Variants in DDX10 observed in about 807,000 individuals in gnomAD.
DDX10 encodes probable ATP-dependent RNA helicase DDX10.
DDX10 carries 74 observed loss-of-function variants against 104.3 expected under a neutral mutation model. That is an observed-to-expected ratio of 0.71 (90% CI 0.59 to 0.86). The LOEUF is 0.86. Among genes scored for constraint, DDX10 ranks in the 40% least tolerant of loss-of-function variants. DDX10 has a pLI of 0.00. For synonymous variants in DDX10, 351 were observed against 353.4 expected (o/e 0.99, Z 0.08); for missense variants, 952 against 1,040.0 (o/e 0.92, Z 1.16).
intron 9 of DDX10, among the ~76,000 whole-genome samples, chr11:108,706,382 G>T (rs2094276258): frequency 6.6e-6 from 1 of 152,116 alleles, no homozygotes; most frequent in Non-Finnish European, 1.5e-5. Context: ...TATATATTGG[G>T]TGCTGTATTT....
intron 13 of DDX10, among the ~76,000 whole-genome samples, chr11:108,824,307 T>C (rs969282500): frequency 1.3e-5 from 2 of 152,206 alleles, no homozygotes; most frequent in African/African-American, 4.8e-5. Flanking sequence ...CCTCGCAAAG[T>C]GGCATGAGCC....
chr11:108,743,502 A>AT (rs1421341725), intron 13 of DDX10, among the ~76,000 whole-genome samples: 1 of 152,216 alleles, frequency 6.6e-6, no homozygotes, highest in Non-Finnish European at 1.5e-5. Flanking sequence ...TGTATTCAGC[A>AT]TACTAGTGGA....
chr11:108,683,598 G>T (rs1013108544), intron 6 of DDX10, among the ~76,000 whole-genome samples: 1 of 152,166 alleles, frequency 6.6e-6, no homozygotes, highest in Non-Finnish European at 1.5e-5. Context: ...AGGCCAGAGG[G>T]TTAATCTGAT....
intron 16 of DDX10, chr11:108,868,198 A>G (rs1863032303): frequency 6.6e-6 from 1 of 152,106 alleles, no homozygotes; most frequent in South Asian, 2.1e-4. Context: ...AAGGACTTTC[A>G]TAGCAGCATT....
intron 10 of DDX10, among the ~76,000 whole-genome samples, chr11:108,709,694 T>A (rs1442500181): frequency 6.6e-6 from 1 of 152,176 alleles, no homozygotes; most frequent in Non-Finnish European, 1.5e-5. Context: ...GCTTATGACT[T>A]TTTTTAGTTG....
intron 16 of DDX10, among the ~76,000 whole-genome samples, chr11:108,915,097 T>C (rs1406042452): frequency 6.6e-6 from 1 of 152,054 alleles, no homozygotes; most frequent in Admixed American, 6.6e-5. Flanking sequence ...CATAAACATA[T>C]TTGAAGGAAT....
chr11:108,926,463 C>G (rs1863910323), intron 17 of DDX10, among the ~76,000 whole-genome samples: 1 of 152,180 alleles, frequency 6.6e-6, no homozygotes. Context: ...CACCACCAGC[C>G]TTTTCTGATT....
At chr11:108,789,194 C>T (rs1448944652) in intron 13 of DDX10, among the ~76,000 whole-genome samples, 2 of 152,184 alleles carry the variant, frequency 1.3e-5, no homozygotes, top group Non-Finnish European at 2.9e-5. Context: ...CTGTTCTTGT[C>T]ACACCTTCAA....
chr11:108,774,989 T>C (rs1013151539), intron 13 of DDX10, among the ~76,000 whole-genome samples: 4 of 152,320 alleles, frequency 2.6e-5, no homozygotes, highest in African/African-American at 9.6e-5. Context: ...TAACAACTTT[T>C]CTTACCAGTC....
intron 9 of DDX10, among the ~76,000 whole-genome samples, chr11:108,699,951 G>C (rs1275556029): frequency 6.6e-6 from 1 of 152,132 alleles, no homozygotes; most frequent in Non-Finnish European, 1.5e-5. Flanking sequence ...TGCATAGATG[G>C]ACTATTTGTA....
chr11:108,892,102 A>G (rs1263743401), intron 16 of DDX10, among the ~76,000 whole-genome samples: 1 of 152,140 alleles, frequency 6.6e-6, no homozygotes, highest in Non-Finnish European at 1.5e-5. Flanking sequence ...TTCAATCCTC[A>G]TGTTGAAATT....
chr11:108,714,637 G>A (rs1453227315), intron 10 of DDX10, among the ~76,000 whole-genome samples: 1 of 151,860 alleles, frequency 6.6e-6, no homozygotes, highest in East Asian at 1.9e-4. Context: ...TTGAAAGAAT[G>A]AAATCTCTTG....
intron 17 of DDX10, among the ~76,000 whole-genome samples, chr11:108,925,409 T>C (rs1008276628): frequency 6.6e-6 from 1 of 152,220 alleles, no homozygotes; most frequent in Non-Finnish European, 1.5e-5. Flanking sequence ...CCAGGATCTC[T>C]AAGAAGGGTG....
chr11:108,910,635 A>G (rs1460630345), intron 16 of DDX10, among the ~76,000 whole-genome samples: 4 of 152,152 alleles, frequency 2.6e-5, no homozygotes, highest in Admixed American at 1.3e-4. Context: ...ACTGTATTTC[A>G]GGAACTGCCA....
chr11:108,911,045 T>C (rs1863670366), intron 16 of DDX10, among the ~76,000 whole-genome samples: 1 of 152,148 alleles, frequency 6.6e-6, no homozygotes, highest in Non-Finnish European at 1.5e-5. Flanking sequence ...TAGCAGGGCT[T>C]GTGGAATTGA....
chr11:108,668,523 A>G (rs554873674), intron 1 of DDX10, among the ~76,000 whole-genome samples: 7 of 152,368 alleles, frequency 4.6e-5, no homozygotes, highest in African/African-American at 9.6e-5. Flanking sequence ...TAGCAGGATT[A>G]TCATTCTCTA....
intron 13 of DDX10, among the ~76,000 whole-genome samples, chr11:108,825,287 G>A (rs1862380720): frequency 1.3e-5 from 2 of 152,142 alleles, no homozygotes; most frequent in South Asian, 4.1e-4. Flanking sequence ...AAACAGTGGA[G>A]GGGAATAGAA....
intron 7 of DDX10, chr11:108,690,773 C>A (rs1324496942): frequency 1.6e-5 from 4 of 246,034 alleles, no homozygotes; most frequent in East Asian, 1.2e-4. Flanking sequence ...AGATAGATCT[C>A]CTCCAGGGAC....
At chr11:108,856,260 T>C (rs1862868097) in intron 16 of DDX10, among the ~76,000 whole-genome samples, 2 of 152,088 alleles carry the variant, frequency 1.3e-5, no homozygotes, top group South Asian at 2.1e-4. Flanking sequence ...CAAAACCCTG[T>C]CTCTACTAAA....
Sources: gnomAD v4.1 joint callset for allele counts (sites outside exome capture counted in the v4.1 genomes callset) on GRCh38, gnomAD v4.1.1 for gene constraint, MANE v1.5 for transcripts, NCBI Gene and HGNC (gene_info 2026-07-23, HGNC 2026-07-21) for gene names.